The following DNAH11 variants were observed in gnomAD, a reference collection of about 807,000 sequenced individuals.
DNAH11 encodes the protein axonemal beta dynein heavy chain 11.
In DNAH11, 442 loss-of-function variants were observed where a neutral mutation model predicts 526.0. The observed-to-expected ratio is 0.84, with a 90% CI of 0.78 to 0.91. The LOEUF is 0.91. Ranked by LOEUF, DNAH11 falls within the 40% of genes least tolerant of loss-of-function variation. The pLI is 0.00. For synonymous variants in DNAH11, 2,461 were observed against 1,935.9 expected (o/e 1.27, Z -7.12); for missense variants, 6,989 against 5,448.7 (o/e 1.28, Z -8.90).
chr7:21,567,995 C>G (rs923855277), intron 6 of DNAH11, among the ~76,000 whole-genome samples: 3 of 152,058 alleles, frequency 2.0e-5, no homozygotes, highest in African/African-American at 2.4e-5. Context: ...GATATTGTCA[C>G]CTACAAGATC....
intron 28 of DNAH11, among the ~76,000 whole-genome samples, chr7:21,641,734 A>G (rs1437259256): frequency 1.3e-5 from 2 of 152,144 alleles, no homozygotes; most frequent in African/African-American, 2.4e-5. Flanking sequence ...TGACTTCGGT[A>G]TTTTACAGAG....
At chr7:21,680,248 G>A (rs1783084408) in intron 30 of DNAH11, among the ~76,000 whole-genome samples, 1 of 152,184 alleles carries the variant, frequency 6.6e-6, no homozygotes, top group South Asian at 2.1e-4. Flanking sequence ...AAAGGTTTGA[G>A]TCTCTGGTGA....
Position 21,564,130 on chromosome 7 carries a change from T to TGGA in DNAH11, c.983-56_983-55insGGA. 5 of 1,277,352 alleles carry TGGA rather than the reference T, an allele frequency of 3.9e-6. No homozygotes were observed. In the African/African-American group the frequency reaches 4.7e-5, roughly 12 times the overall value. 79.1% of individuals were successfully genotyped at this position (1,277,352 alleles called of 1,614,324 possible). A position where few individuals can be genotyped will look rare whatever the true frequency, so the allele number is the denominator to read the frequency against. On this transcript the variant is annotated intron_variant, in intron 5 of 81. Transcript: ENST00000409508. The stretch of plus-strand genomic sequence containing the variant: ...CTCTCTTCTACATGTAAAGTGAATT[T>TGGA]AGAAAAAAAAAAAAAACAAACCAGA...
chr7:21,899,601 C>G (rs1784671460), intron 80 of DNAH11, among the ~76,000 whole-genome samples, 153 bp downstream of exon 80: 1 of 152,152 alleles, frequency 6.6e-6, no homozygotes, highest in African/African-American at 2.4e-5. Context: ...ATAGAGGAAA[C>G]AGAGTCCTGG....
At position 21,573,594 on chromosome 7, in the gene DNAH11, G is replaced by A. The variant is rs901743124; in HGVS notation, c.1593+1621G>A. ...TTTGCTTAATAAGCTGTTCATTTTG[G>A]TGCTTTTTAGCTGAGTTCCTTGTAC... On this transcript the variant is annotated intron_variant, in intron 8 of 81. Transcript: ENST00000409508. Among the ~76,000 whole-genome samples the A allele has an allele frequency of 3.3e-5, 5 of 152,076 alleles. No homozygotes were observed. In the East Asian group the frequency reaches 7.7e-4, roughly 23 times the overall value.
chr7:21,707,711 C>G lies in DNAH11; in HGVS notation c.6559C>G (p.Leu2187Val), dbSNP rs1372440552. 6 of 1,612,412 alleles carry G rather than the reference C, an allele frequency of 3.7e-6. No homozygotes were observed. In the South Asian group the frequency reaches 6.6e-5, roughly 18 times the overall value. ...TCCTTCCCCTCAGATTTTGAGAACACTGAACCGAACATATGTTAACATGAA... is the reference window on the plus strand; with the variant it reads ...TCCTTCCCCTCAGATTTTGAGAACAGTGAACCGAACATATGTTAACATGAA... Reference protein sequence around the residue: ...GTGKSKILRTLNRTYVNMKQK... With the variant: ...GTGKSKILRTVNRTYVNMKQK... Residue 2187 changes from leucine to valine, a missense_variant, in exon 40 of 82, where the codon CTG becomes GTG. Leu to Val is a conservative substitution (Grantham distance 32). Coordinates refer to ENST00000409508, the MANE Select transcript of DNAH11 (RefSeq NM_001277115.2).
At position 21,711,756 on chromosome 7, in the gene DNAH11, C is replaced by T; in HGVS notation, c.6879C>T (p.Phe2293=). ...ASNERIALTP[F]MRLLFEIHHL... Reference sequence around the variant, plus strand: ...ATGAGCGCATTGCACTCACTCCCTTCATGAGGCTTCTGTTTGAGATACATC... The same window carrying T: ...ATGAGCGCATTGCACTCACTCCCTTTATGAGGCTTCTGTTTGAGATACATC... Residue 2293 remains phenylalanine (F), a synonymous_variant, in exon 42 of 82, where the codon TTC becomes TTT. Coordinates refer to ENST00000409508, the MANE Select transcript of DNAH11 (RefSeq NM_001277115.2). The T allele has an allele frequency of 6.2e-7, 1 of 1,613,888 alleles. No homozygotes were observed.
chr7:21,787,369 G>T (rs751258668), intron 59 of DNAH11, 32 bp from the exon 60 acceptor site: 3 of 1,570,788 alleles, frequency 1.9e-6, no homozygotes, highest in South Asian at 2.4e-5. Context: ...AGCCAAAATG[G>T]GTTCATTGCA....
intron 74 of DNAH11, among the ~76,000 whole-genome samples, chr7:21,879,439 A>G (rs2128041613): frequency 1.3e-5 from 2 of 151,982 alleles, no homozygotes; most frequent in Admixed American, 6.6e-5. Context: ...GCAAGACTCC[A>G]TCTCAAAAAA....
At chr7:21,574,363 G>T (rs55653143) in intron 8 of DNAH11, among the ~76,000 whole-genome samples, 1 of 152,056 alleles carries the variant, frequency 6.6e-6, no homozygotes, top group South Asian at 2.1e-4. Flanking sequence ...GATGCCAGGC[G>T]TTGTGCCAGA....
At chr7:21,828,988 C>G (rs1790430621) in intron 65 of DNAH11, among the ~76,000 whole-genome samples, 1 of 152,066 alleles carries the variant, frequency 6.6e-6, no homozygotes, top group Non-Finnish European at 1.5e-5. Context: ...CAACCAAAAC[C>G]TTTCTTCGGG....
intron 8 of DNAH11, among the ~76,000 whole-genome samples, chr7:21,576,509 G>C (rs1461734196): frequency 6.6e-6 from 1 of 152,184 alleles, no homozygotes; most frequent in Non-Finnish European, 1.5e-5. Context: ...TAATATGTTT[G>C]ATCCTTTCTA....
intron 43 of DNAH11, among the ~76,000 whole-genome samples, chr7:21,719,609 G>GT (rs567620207): frequency 6.6e-6 from 1 of 152,114 alleles, no homozygotes; most frequent in African/African-American, 2.4e-5. Flanking sequence ...AAATTGGTGA[G>GT]TTTTTTTCTA....
chr7:21,601,327 A>G (rs1785075614), intron 17 of DNAH11, 69 bp from the exon 18 acceptor site: 11 of 1,476,940 alleles, frequency 7.4e-6, no homozygotes, highest in Non-Finnish European at 1.0e-5. Flanking sequence ...ATTCAATCAG[A>G]AGTCTTATAC....
At chr7:21,795,271 T>A (rs776705075) in intron 61 of DNAH11, among the ~76,000 whole-genome samples, 6 of 152,206 alleles carry the variant, frequency 3.9e-5, no homozygotes, top group Non-Finnish European at 5.9e-5. Flanking sequence ...TCCTAGTACC[T>A]AGTACCTAGT....
rs1783924462 is a variant in DNAH11, at chr7:21,698,090, G to C, written c.6057G>C (p.Val2019=). ...TACTTTTTAGACCCTGTGCCATGGT[G>C]GCCCCTGACATTGAGCTAATCTGTG... ...LKALFRPCAM[V]APDIELICEI... is the part of the protein sequence containing the mutation. The change falls in exon 36 of 82, where the codon GTG becomes GTC. Residue 2019 remains valine, a synonymous_variant. Coordinates refer to ENST00000409508, the MANE Select transcript of DNAH11 (RefSeq NM_001277115.2). 1 of 1,612,572 alleles carries C rather than the reference G, an allele frequency of 6.2e-7. No homozygotes were observed. Among genetic ancestry groups the C allele is most frequent in the African/African-American group, 1.3e-5 (1 of 74,868 alleles).
chr7:21,554,350 T>G (rs1783139676), intron 2 of DNAH11, among the ~76,000 whole-genome samples: 1 of 151,902 alleles, frequency 6.6e-6, no homozygotes, highest in Admixed American at 6.6e-5. Context: ...ATTTTTGTAT[T>G]TTTTAGTAGA....
rs1781862853 is a variant in DNAH11 at position 21,833,383 on chromosome 7, A to G, written c.10692-9161A>G. 5.3e-5 allele frequency among the ~76,000 whole-genome samples: 8 copies of G among 152,312 alleles called. No individual in the cohort carries two copies. The South Asian group carries it at 1.7e-3, about 32-fold the overall frequency. ...GGGATGAATGAATTCAACCCAAGGT[A>G]GAGTGGCAATGAAAAGATGACAGGA... On this transcript the variant is annotated intron_variant, in intron 65 of 81. Transcript: ENST00000409508.
chr7:21,804,102 G>C (rs916704190), intron 62 of DNAH11, among the ~76,000 whole-genome samples: 1 of 147,026 alleles, frequency 6.8e-6, no homozygotes, highest in Non-Finnish European at 1.5e-5. Flanking sequence ...GTTTTGTTTT[G>C]TTTTGTTTTG....
Sources: allele counts gnomAD v4.1 joint callset (sites outside exome capture counted in the v4.1 genomes callset), GRCh38; gene constraint gnomAD v4.1.1; transcripts MANE v1.5; gene names NCBI Gene and HGNC (gene_info 2026-07-23, HGNC 2026-07-21).